NEDD4L: variants seen among roughly 807,000 people sequenced by gnomAD.
NEDD4L encodes the protein E3 ubiquitin-protein ligase NEDD4-like.
In NEDD4L, 54 loss-of-function variants were observed where a neutral mutation model predicts 148.9. The ratio of observed to expected loss-of-function variants is 0.36; its 90% CI spans 0.29 to 0.45. NEDD4L has a LOEUF of 0.45. Among genes scored for constraint, NEDD4L ranks in the 20% least tolerant of loss-of-function variants. NEDD4L has a pLI of 1.00. For missense variants in NEDD4L, 856 were observed against 1,233.8 expected (o/e 0.69, Z 4.59); for synonymous variants, 433 against 440.7 (o/e 0.98, Z 0.22).
At chr18:58,328,883 T>G (rs2059545491) in intron 9 of NEDD4L, 112 bp from the exon 10 acceptor site, 1 of 1,155,546 alleles carries the variant, frequency 8.7e-7, no homozygotes, top group African/African-American at 1.5e-5. Context: ...TTGTCAGTGT[T>G]TGACGCTGAC....
At chr18:58,310,345 A>T (rs1031666877) in intron 5 of NEDD4L, among the ~76,000 whole-genome samples, 2 of 152,256 alleles carry the variant, frequency 1.3e-5, no homozygotes, top group Non-Finnish European at 2.9e-5. Flanking sequence ...TAAATGGCAG[A>T]GGAGCTGGCC....
At chr18:58,361,401 G>A (rs2045456448) in intron 19 of NEDD4L, among the ~76,000 whole-genome samples, 1 of 152,214 alleles carries the variant, frequency 6.6e-6, no homozygotes, top group African/African-American at 2.4e-5. Context: ...CACACATGCT[G>A]CTGTCATGAA....
Position 58,044,599 on chromosome 18 carries a change from G to A in NEDD4L, c.-62G>A, listed in dbSNP as rs1327904919. The A allele has an allele frequency of 4.6e-6, 7 of 1,521,156 alleles. No individual in the cohort carries two copies. The highest frequency in any genetic ancestry group is 1.3e-5 in the South Asian group (1 of 78,854). The allele number at this position is 1,521,156 out of a possible 1,614,324, so 94.2% of individuals were successfully genotyped here. On this transcript the variant is annotated 5_prime_UTR_variant, in exon 1 of 31. Transcript: ENST00000400345. The stretch of plus-strand genomic sequence containing the variant: ...GACCTGGAGGCAGAGGGGAGAACCG[G>A]CCGTCCGCGCCGCAGCACAGCCGCT...
intron 23 of NEDD4L, among the ~76,000 whole-genome samples, chr18:58,371,203 A>ATTT (rs34960405): frequency 0.14 from 12,729 of 92,700 alleles, 1,005 homozygotes; most frequent in South Asian, 0.21. Flanking sequence ...TGCCTGGCTA[A>ATTT]TTTTTTTTTT....
At chr18:58,217,478 T>A (rs1189140814) in intron 2 of NEDD4L, among the ~76,000 whole-genome samples, 1 of 152,182 alleles carries the variant, frequency 6.6e-6, no homozygotes, top group African/African-American at 2.4e-5. Context: ...TTATTTTTAA[T>A]TTTATTTTTT....
intron 1 of NEDD4L, among the ~76,000 whole-genome samples, chr18:58,081,317 G>A (rs150575730): frequency 7.4e-4 from 108 of 146,594 alleles, no homozygotes; most frequent in African/African-American, 2.7e-3. Context: ...CTGGGTTCAC[G>A]CCATGCTCCT....
Position 58,195,557 on chromosome 18 carries a change from G to T in NEDD4L, c.122+29696G>T, listed in dbSNP as rs959872241. ...GGCTGCAGAGCCCTGTCCACGCGGT[G>T]CCTCCCCAGCACGGCACCTCCCACT... On this transcript the variant is annotated intron_variant, in intron 2 of 30. Coordinates refer to ENST00000400345, the MANE Select transcript of NEDD4L (RefSeq NM_001144967.3). 8 of 1,338,864 alleles carry T rather than the reference G, an allele frequency of 6.0e-6. No homozygotes were observed. In the East Asian group the frequency reaches 2.3e-4, roughly 39 times the overall value. The allele number at this position is 1,338,864 out of a possible 1,614,324, so 82.9% of individuals were successfully genotyped here.
At chr18:58,232,301 C>T (rs1410071354) in intron 2 of NEDD4L, among the ~76,000 whole-genome samples, 1 of 152,080 alleles carries the variant, frequency 6.6e-6, no homozygotes, top group East Asian at 1.9e-4. Flanking sequence ...AATCAAAATG[C>T]CCTCAGATTT....
chr18:58,257,187 A>T (rs919229261), intron 5 of NEDD4L, among the ~76,000 whole-genome samples: 2 of 152,184 alleles, frequency 1.3e-5, no homozygotes, highest in African/African-American at 4.8e-5. Context: ...CTTTAAAAAT[A>T]ATCAGTTCTC....
intron 2 of NEDD4L, among the ~76,000 whole-genome samples, chr18:58,179,358 A>T (rs577779349): frequency 6.6e-6 from 1 of 152,192 alleles, no homozygotes; most frequent in African/African-American, 2.4e-5. Flanking sequence ...CTCTGGAATC[A>T]TCTGTCTCCG....
At chr18:58,370,807 T>C (rs1052086396) in intron 23 of NEDD4L, among the ~76,000 whole-genome samples, 2 of 152,220 alleles carry the variant, frequency 1.3e-5, no homozygotes, top group Admixed American at 1.3e-4. Context: ...GCTGAATGTT[T>C]AGAGCTTCAT....
At chr18:58,089,996 C>G (rs954760241) in intron 1 of NEDD4L, among the ~76,000 whole-genome samples, 1 of 152,036 alleles carries the variant, frequency 6.6e-6, no homozygotes, top group Admixed American at 6.6e-5. Flanking sequence ...TGTGCCACCA[C>G]GCCCGGCTAA....
intron 1 of NEDD4L, among the ~76,000 whole-genome samples, chr18:58,137,265 A>C (rs2032950757): frequency 6.6e-6 from 1 of 152,130 alleles, no homozygotes; most frequent in Non-Finnish European, 1.5e-5. Context: ...TCAGACAAAA[A>C]CCATATTGTA....
chr18:58,306,783 G>A (rs965415981), intron 5 of NEDD4L, among the ~76,000 whole-genome samples: 1 of 152,026 alleles, frequency 6.6e-6, no homozygotes, highest in Admixed American at 6.5e-5. Flanking sequence ...CCGCCACCAC[G>A]CCCGGCTAAT....
chr18:58,366,208 C>G lies in NEDD4L; in HGVS notation c.2043C>G (p.Gly681=). 9.9e-6 allele frequency: 16 copies of G among 1,609,206 alleles called. No individual in the cohort carries two copies. Among genetic ancestry groups the G allele is most frequent in the Non-Finnish European group, 1.4e-5 (16 of 1,177,224 alleles). The change falls in exon 21 of 31, where the codon GGC becomes GGG. Residue 681 remains glycine (G), a synonymous_variant. Coordinates refer to ENST00000400345, the MANE Select transcript of NEDD4L (RefSeq NM_001144967.3). This position sits in a 1 kb window ranked among gnomAD's most constrained non-coding sequence, Gnocchi z 4.2. ...LSKEMFNPYY[G]LFEYSATDNY... is the part of the protein sequence containing the mutation. ...AAGAGATGTTCAACCCCTACTACGG[C>G]CTCTTTGAGTACTCTGCCACGTAAG...
chr18:58,262,631 GAAA>G (rs11296007), intron 5 of NEDD4L, among the ~76,000 whole-genome samples: 22 of 138,676 alleles, frequency 1.6e-4, no homozygotes, highest in South Asian at 2.4e-4. Context: ...TCTGTCTCAG[GAAA>G]AAAAAAAAAA....
chr18:58,160,194 C>A (rs1249418259), intron 1 of NEDD4L, among the ~76,000 whole-genome samples: 1 of 152,194 alleles, frequency 6.6e-6, no homozygotes, highest in African/African-American at 2.4e-5. Context: ...CTATGGGACT[C>A]TAGTAACTGC....
chr18:58,149,584 G>T, intron 1 of NEDD4L: 1 of 1,484,714 alleles, frequency 6.7e-7, no homozygotes, highest in Non-Finnish European at 9.2e-7. Flanking sequence ...GACTTTGCTT[G>T]GTGGGGGAGG....
chr18:58,310,626 G>A (rs533464745), intron 5 of NEDD4L, among the ~76,000 whole-genome samples: 22 of 152,334 alleles, frequency 1.4e-4, no homozygotes, highest in Admixed American at 3.9e-4. Flanking sequence ...GGGTGGAACC[G>A]CACTCACACT....
Sources: allele counts gnomAD v4.1 joint callset (sites outside exome capture counted in the v4.1 genomes callset), GRCh38; gene constraint gnomAD v4.1.1; non-coding constraint Gnocchi (gnomAD v3.1); transcripts MANE v1.5; gene names NCBI Gene and HGNC (gene_info 2026-07-23, HGNC 2026-07-21).